Variants in VRK2 observed in about 807,000 individuals in gnomAD.
VRK2 encodes the protein serine/threonine-protein kinase VRK2.
In VRK2, 60 loss-of-function variants were observed where a neutral mutation model predicts 57.6. The ratio of observed to expected loss-of-function variants is 1.04; its 90% CI spans 0.85 to 1.29. The LOEUF (loss-of-function observed/expected upper bound fraction) is 1.29. Ranked by LOEUF, VRK2 falls within the 50% of genes most tolerant of loss-of-function variation. VRK2 has a pLI of 0.00. For missense variants in VRK2, 705 were observed against 588.1 expected, an observed-to-expected ratio of 1.20 and a Z score of -2.06; for synonymous variants, 231 against 199.2, an observed-to-expected ratio of 1.16 and a Z score of -1.35.
chr2:57,989,055 A>T (rs568976191), intron 1 of VRK2, among the ~76,000 whole-genome samples: 1 of 152,232 alleles, frequency 6.6e-6, no homozygotes, highest in African/African-American at 2.4e-5. Context: ...ACTTTCCTGA[A>T]CATAGCAACC....
intron 2 of VRK2, among the ~76,000 whole-genome samples, chr2:58,061,062 A>G (rs1397461866): frequency 6.6e-6 from 1 of 151,892 alleles, no homozygotes; most frequent in African/African-American, 2.4e-5. Context: ...ATTTGATGAT[A>G]TAAAGCAAAA....
rs569193659 is a variant in VRK2, at chr2:58,076,639, AT to A, written c.137-7443del. 8.4e-4 allele frequency among the ~76,000 whole-genome samples: 128 copies of A among 151,522 alleles called. 2 individuals are homozygous for A. The highest frequency in any genetic ancestry group is 1.0e-3 in the Non-Finnish European group (69 of 67,772). ...TTTTTGAATTATTTTGGTAAATTAT[AT>A]TTTTTTCTAGGAAATTGTCATTTTT... On this transcript the variant is annotated intron_variant, in intron 2 of 12. Coordinates refer to ENST00000340157, the MANE Select transcript of VRK2 (RefSeq NM_006296.7).
At chr2:58,100,317 A>G (rs1409282920) in intron 7 of VRK2, among the ~76,000 whole-genome samples, 1 of 152,008 alleles carries the variant, frequency 6.6e-6, no homozygotes, top group Admixed American at 6.6e-5. Flanking sequence ...TATAAAATTT[A>G]GTTTTAATCA....
rs761117738 is a variant in VRK2 at position 58,128,493 on chromosome 2, C to A, written c.677-3315C>A. 5.9e-5 allele frequency among the ~76,000 whole-genome samples: 9 copies of A among 152,002 alleles called. 1 individual carries two copies. Among genetic ancestry groups the A allele is most frequent in the African/African-American group, 2.2e-4 (9 of 41,488 alleles). Reference sequence around the variant, plus strand: ...ATTACAGGTGTGTGCCACAAAGCCCCGCTAATTTTTGTATTTTTAGTAGAG... The same window carrying A: ...ATTACAGGTGTGTGCCACAAAGCCCAGCTAATTTTTGTATTTTTAGTAGAG... On this transcript the variant is annotated intron_variant, in intron 8 of 12. Transcript: ENST00000340157.
At chr2:58,077,015 T>C (rs1670211256) in intron 2 of VRK2, among the ~76,000 whole-genome samples, 1 of 152,074 alleles carries the variant, frequency 6.6e-6, no homozygotes, top group Non-Finnish European at 1.5e-5. Context: ...AACCTATTTA[T>C]ATACTTCATT....
chr2:57,938,482 G>A (rs1459237698), intron 1 of VRK2, among the ~76,000 whole-genome samples: 1 of 134,624 alleles, frequency 7.4e-6, no homozygotes, highest in Non-Finnish European at 1.6e-5. Flanking sequence ...TTAAAAGGAG[G>A]GAATCCATTG....
chr2:57,937,900 C>G (rs546479451), intron 1 of VRK2, among the ~76,000 whole-genome samples: 2 of 141,222 alleles, frequency 1.4e-5, no homozygotes, highest in Non-Finnish European at 3.0e-5. Flanking sequence ...GGCATGATCT[C>G]GGCTCACTGC....
chr2:57,966,895 G>A (rs985501277), intron 1 of VRK2, among the ~76,000 whole-genome samples: 1 of 152,100 alleles, frequency 6.6e-6, no homozygotes, highest in African/African-American at 2.4e-5. Context: ...TATCCCAGTA[G>A]AATGGTTAGT....
intron 1 of VRK2, among the ~76,000 whole-genome samples, chr2:57,914,282 G>GA (rs1160117159): frequency 2.0e-5 from 3 of 149,014 alleles, no homozygotes; most frequent in East Asian, 2.0e-4. Context: ...TTCCTTATCA[G>GA]AAAAAATGGA....
In VRK2 at chr2:58,086,393, A is replaced by G. The variant is rs375372500; in HGVS notation, c.311A>G (p.Tyr104Cys). The change falls in exon 5 of 13, where the codon TAT becomes TGT. Residue 104 changes from tyrosine (Y) to cysteine (C), a missense_variant. Tyr to Cys is a radical substitution (Grantham distance 194). Coordinates refer to ENST00000340157, the MANE Select transcript of VRK2 (RefSeq NM_006296.7). ...GATTATTTAGGAATTCCTCTGTTTT[A>G]TGGATCTGGTCTGACTGAATTCAAG... Reference protein sequence around the residue: ...QLDYLGIPLFYGSGLTEFKGR... With the variant: ...QLDYLGIPLFCGSGLTEFKGR... The G allele has an allele frequency of 1.9e-6, 3 of 1,605,346 alleles. No homozygotes were observed. Among genetic ancestry groups the G allele is most frequent in the African/African-American group, 2.7e-5 (2 of 74,538 alleles).
At chr2:58,075,644 A>C (rs539988103) in intron 2 of VRK2, among the ~76,000 whole-genome samples, 1 of 151,996 alleles carries the variant, frequency 6.6e-6, no homozygotes, top group Non-Finnish European at 1.5e-5. Context: ...GTATAAACCT[A>C]TTTTTTTGGT....
rs1684672482 is a variant in VRK2 at position 58,159,332 on chromosome 2, A to G, written c.1183-17A>G. ...TCACGTCTAACAAACTAAACTATATATGTATTTTTTCCATAGGAAAGCACA... is the reference window on the plus strand; with the variant it reads ...TCACGTCTAACAAACTAAACTATATGTGTATTTTTTCCATAGGAAAGCACA... On this transcript the variant is annotated splice_polypyrimidine_tract_variant and intron_variant, in intron 12 of 12. Coordinates refer to ENST00000340157, the MANE Select transcript of VRK2 (RefSeq NM_006296.7). 2 of 1,567,118 alleles carry G rather than the reference A, an allele frequency of 1.3e-6. No individual in the cohort carries two copies. The highest frequency in any genetic ancestry group is 1.9e-5 in the Admixed American group (1 of 52,582).
chr2:58,061,828 A>G (rs918349789), intron 2 of VRK2, among the ~76,000 whole-genome samples: 1 of 152,066 alleles, frequency 6.6e-6, no homozygotes, highest in Non-Finnish European at 1.5e-5. Context: ...ATGACAAACC[A>G]GTTACCACTA....
Position 58,048,881 on chromosome 2 carries a change from A to C in VRK2, c.50A>C (p.Glu17Ala). The C allele has an allele frequency of 6.2e-7, 1 of 1,614,024 alleles. No individual in the cohort carries two copies. The highest frequency in any genetic ancestry group is 1.3e-5 in the African/African-American group (1 of 75,030). Residue 17 changes from glutamate to alanine, a missense_variant, in exon 2 of 13, where the codon GAA (glutamate) becomes GCA (alanine). Physicochemically the swap from Glu to Ala is moderately radical, Grantham distance 107 (BLOSUM62 -1). Transcript: ENST00000340157. ...EKYKLPIPFP[E>A]GKVLDDMEGN... The stretch of plus-strand genomic sequence containing the variant: ...TACAAACTTCCTATTCCATTTCCAG[A>C]AGGCAAGGTTCTGGATGATATGGAA...
intron 1 of VRK2, among the ~76,000 whole-genome samples, chr2:57,915,271 T>C (rs1211162750): frequency 6.6e-6 from 1 of 152,156 alleles, no homozygotes; most frequent in Non-Finnish European, 1.5e-5. Flanking sequence ...GAACTACACA[T>C]GATTCTACAT....
intron 10 of VRK2, among the ~76,000 whole-genome samples, chr2:58,137,241 T>TCATATATGATA (rs1558687537): frequency 5.4e-5 from 7 of 129,676 alleles, no homozygotes; most frequent in Non-Finnish European, 9.5e-5. Flanking sequence ...TACATATATA[T>TCATATATGATA]CATATATATG....
intron 3 of VRK2, among the ~76,000 whole-genome samples, chr2:58,041,594 T>C (rs1018412339): frequency 5.3e-5 from 8 of 152,216 alleles, no homozygotes; most frequent in Admixed American, 3.3e-4. Context: ...ATATATTTCT[T>C]TGACATGTTT....
At chr2:57,921,241 A>T (rs1190760926) in intron 1 of VRK2, among the ~76,000 whole-genome samples, 3 of 151,902 alleles carry the variant, frequency 2.0e-5, no homozygotes, top group Non-Finnish European at 4.4e-5. Context: ...AAGGCATCTA[A>T]GTAATTCCAT....
chr2:58,159,442 C>A lies in VRK2; in HGVS notation c.1276C>A (p.Pro426Thr). ...ACAAAAAATCAGCTATACACAATTC[C>A]CAAACTCATTTTATGAGCCTCATCA... is the stretch of plus-strand genomic sequence containing the variant. ...FPQKISYTQFPNSFYEPHQDF... is the reference protein window; with the variant it reads ...FPQKISYTQFTNSFYEPHQDF... The change falls in exon 13 of 13, where the codon CCA (proline) becomes ACA (threonine). Residue 426 changes from proline to threonine, a missense_variant. Coordinates refer to ENST00000340157, the MANE Select transcript of VRK2 (RefSeq NM_006296.7). 6.2e-7 allele frequency: 1 copy of A among 1,613,508 alleles called. No individual in the cohort carries two copies. The highest frequency in any genetic ancestry group is 8.5e-7 in the Non-Finnish European group (1 of 1,179,658).
Sources: gnomAD v4.1 joint callset for allele counts (sites outside exome capture counted in the v4.1 genomes callset) on GRCh38, gnomAD v4.1.1 for gene constraint, MANE v1.5 for transcripts, NCBI Gene and HGNC (gene_info 2026-07-23, HGNC 2026-07-21) for gene names.